Variants in CSMD3 observed in about 807,000 individuals in gnomAD.
CSMD3 encodes CUB and Sushi multiple domains 3.
Under a neutral mutation model 435.2 loss-of-function variants are expected in CSMD3, and 177 were observed. That is an observed-to-expected ratio of 0.41 (90% CI 0.36 to 0.46). The LOEUF is 0.46. Ranked by LOEUF, CSMD3 falls within the 20% of genes least tolerant of loss-of-function variation. The pLI is 0.34. For synonymous variants in CSMD3, 1,656 were observed against 1,520.5 expected, an observed-to-expected ratio of 1.09 and a Z score of -2.07; for missense variants, 4,265 against 4,504.6, an observed-to-expected ratio of 0.95 and a Z score of 1.52.
At chr8:112,377,883 C>G (rs986543800) in intron 38 of CSMD3, among the ~76,000 whole-genome samples, 2 of 152,008 alleles carry the variant, frequency 1.3e-5, no homozygotes, top group African/African-American at 4.8e-5. Flanking sequence ...AAGCCCATAA[C>G]TAACATCATA....
intron 2 of CSMD3, among the ~76,000 whole-genome samples, chr8:113,299,568 A>C (rs1202836696): frequency 6.6e-6 from 1 of 152,156 alleles, no homozygotes; most frequent in African/African-American, 2.4e-5. Flanking sequence ...ATGTTAGTGG[A>C]TGTGGTAAAT....
chr8:112,457,511 C>T (rs1444623173), intron 32 of CSMD3, among the ~76,000 whole-genome samples: 1 of 151,980 alleles, frequency 6.6e-6, no homozygotes, highest in African/African-American at 2.4e-5. Flanking sequence ...TCTTTTAAAG[C>T]TCTTATATGA....
intron 1 of CSMD3, among the ~76,000 whole-genome samples, chr8:113,360,320 A>G (rs1036882676): frequency 1.4e-4 from 21 of 152,098 alleles, no homozygotes; most frequent in African/African-American, 4.1e-4. Context: ...CCTAGCCTCT[A>G]TAACACTATA....
At chr8:112,487,179 T>C (rs16883746) in intron 31 of CSMD3, among the ~76,000 whole-genome samples, 3 of 152,114 alleles carry the variant, frequency 2.0e-5, no homozygotes, top group Admixed American at 2.0e-4. Context: ...TTTACATACA[T>C]CAAATAAATC....
At chr8:112,238,128 T>C (rs1813768776) in intron 66 of CSMD3, among the ~76,000 whole-genome samples, 1 of 152,022 alleles carries the variant, frequency 6.6e-6, no homozygotes, top group Non-Finnish European at 1.5e-5. Context: ...TCTACACAGC[T>C]CCTGGGCAGC....
At chr8:112,852,563 G>C (rs1455080389) in intron 11 of CSMD3, among the ~76,000 whole-genome samples, 1 of 151,986 alleles carries the variant, frequency 6.6e-6, no homozygotes, top group Non-Finnish European at 1.5e-5. Context: ...GTAATATGAA[G>C]GAAATTTGAA....
At chr8:112,594,186 C>T (rs1038667805) in intron 22 of CSMD3, among the ~76,000 whole-genome samples, 20 of 151,744 alleles carry the variant, frequency 1.3e-4, no homozygotes, top group South Asian at 4.2e-4. Flanking sequence ...CGAAGCAGGG[C>T]GAGGCATTGC....
intron 10 of CSMD3, among the ~76,000 whole-genome samples, chr8:112,883,126 A>T (rs186484558): frequency 3.9e-4 from 60 of 152,068 alleles, no homozygotes; most frequent in African/African-American, 1.3e-3. Context: ...TTTGCTTAAA[A>T]TGTTCACACA....
At chr8:112,477,983 T>C (rs73328662) in intron 31 of CSMD3, among the ~76,000 whole-genome samples, 8,804 of 152,130 alleles carry the variant, frequency 0.058, 301 homozygotes, top group South Asian at 0.12. Context: ...GTTCTTGTGA[T>C]AGGGAATAAG....
chr8:112,897,616 C>G (rs756345004), intron 10 of CSMD3, among the ~76,000 whole-genome samples: 3 of 150,866 alleles, frequency 2.0e-5, no homozygotes, highest in Non-Finnish European at 4.4e-5. Context: ...TAAAATGTTA[C>G]TCTTTAGGAA....
chr8:112,357,775 T>C (rs112450951), intron 38 of CSMD3, among the ~76,000 whole-genome samples: 13 of 152,330 alleles, frequency 8.5e-5, no homozygotes, highest in Non-Finnish European at 1.6e-4. Flanking sequence ...AGAAGATGTA[T>C]AGAAATGCCT....
At chr8:113,100,732 G>A (rs1480448) in intron 4 of CSMD3, among the ~76,000 whole-genome samples, 102,324 of 152,086 alleles carry the variant, frequency 0.67, 36,029 homozygotes, top group East Asian at 0.95. Flanking sequence ...ATTTCAAAAC[G>A]TCATTTGTAC....
chr8:113,100,296 G>A (rs748288711), intron 4 of CSMD3, among the ~76,000 whole-genome samples: 1 of 151,954 alleles, frequency 6.6e-6, no homozygotes, highest in South Asian at 2.1e-4. Context: ...AAATGAACTA[G>A]TTGTCTTGTC....
At chr8:112,507,966 C>T (rs1205005856) in intron 28 of CSMD3, among the ~76,000 whole-genome samples, 1 of 152,010 alleles carries the variant, frequency 6.6e-6, no homozygotes, top group African/African-American at 2.4e-5. Flanking sequence ...TTTTGTGGTA[C>T]ATTATAAAAT....
chr8:112,521,307 T>C (rs1824258392), intron 27 of CSMD3, among the ~76,000 whole-genome samples: 1 of 152,008 alleles, frequency 6.6e-6, no homozygotes, highest in African/African-American at 2.4e-5. Flanking sequence ...CGTCAGTCTT[T>C]CCTCTATTCC....
chr8:113,214,769 TTAA>T (rs2092881712), intron 3 of CSMD3, among the ~76,000 whole-genome samples: 1 of 151,828 alleles, frequency 6.6e-6, no homozygotes, highest in African/African-American at 2.4e-5. Flanking sequence ...TTTTTATATA[TTAA>T]TGTGTCAAAT....
intron 10 of CSMD3, among the ~76,000 whole-genome samples, chr8:112,893,496 C>A (rs1039996530): frequency 1.2e-4 from 18 of 151,462 alleles, no homozygotes; most frequent in African/African-American, 4.4e-4. Flanking sequence ...TAAAGTACAG[C>A]CACCATTGAG....
At chr8:112,410,624 A>ATG (rs1554670652) in intron 32 of CSMD3, among the ~76,000 whole-genome samples, 1 of 34,104 alleles carries the variant, frequency 2.9e-5, no homozygotes, top group Non-Finnish European at 6.2e-5. Context: ...ATGTATATAT[A>ATG]TGTGTATATA....
intron 13 of CSMD3, among the ~76,000 whole-genome samples, chr8:112,748,329 A>G (rs1366717177): frequency 6.6e-6 from 1 of 152,184 alleles, no homozygotes; most frequent in Non-Finnish European, 1.5e-5. Flanking sequence ...ATAATATAAC[A>G]AAACTTATTT....
Sources: allele counts gnomAD v4.1 joint callset (sites outside exome capture counted in the v4.1 genomes callset), GRCh38; gene constraint gnomAD v4.1.1; transcripts MANE v1.5; gene names NCBI Gene and HGNC (gene_info 2026-07-23, HGNC 2026-07-21).